OSBP2: variants seen among roughly 807,000 people sequenced by gnomAD.
OSBP2 encodes oxysterol-binding protein 2.
OSBP2 carries 66 observed loss-of-function variants against 96.0 expected under a neutral mutation model. The observed-to-expected ratio is 0.69, with a 90% confidence interval of 0.56 to 0.84. The LOEUF (loss-of-function observed/expected upper bound fraction) is 0.84. Among genes scored for constraint, OSBP2 ranks in the 40% least tolerant of loss-of-function variants. The probability of loss-of-function intolerance (pLI) is 0.00; values close to 1 mark genes in which losing one functional copy is unlikely to be tolerated. For synonymous variants in OSBP2, 525 were observed against 520.9 expected (o/e 1.01, Z -0.11); for missense variants, 1,038 against 1,222.7 (o/e 0.85, Z 2.25).
rs555647214 is a variant in OSBP2 at position 30,749,504 on chromosome 22, T to A, written c.853+8135T>A. On this transcript the variant is annotated intron_variant, in intron 2 of 13. Transcript: ENST00000332585. ...ACTGTCACCACTGGAACAAATGAACTTGTGACATTTGGCCGGAGAAAGGAA... is the reference window on the plus strand; with the variant it reads ...ACTGTCACCACTGGAACAAATGAACATGTGACATTTGGCCGGAGAAAGGAA... Among the ~76,000 whole-genome samples the A allele has an allele frequency of 2.0e-4, 31 of 152,272 alleles. 2 individuals are homozygous for A. In the South Asian group the frequency reaches 6.4e-3, roughly 32 times the overall value.
At chr22:30,730,774 C>CTATA (rs1206537838) in intron 1 of OSBP2, among the ~76,000 whole-genome samples, 185 of 13,784 alleles carry the variant, frequency 0.013, 10 homozygotes, top group Middle Eastern at 0.091. Context: ...CTCTCTCTCT[C>CTATA]TATATATATA....
chr22:30,757,702 G>A (rs1404614572), intron 2 of OSBP2, among the ~76,000 whole-genome samples: 2 of 152,098 alleles, frequency 1.3e-5, no homozygotes, highest in Non-Finnish European at 2.9e-5. Context: ...ACAGACATGA[G>A]CCACTGCACC....
At chr22:30,735,410 C>CTTTTTTTTTTTTTTTTTTTTTTTTT (rs774749546) in intron 1 of OSBP2, among the ~76,000 whole-genome samples, 2 of 100,598 alleles carry the variant, frequency 2.0e-5, no homozygotes, top group African/African-American at 4.1e-5. Context: ...TCTTCTCTCT[C>CTTTTTTTTTTTTTTTTTTTTTTTTT]TTTTTTTTTT....
chr22:30,832,923 A>T (rs1569142727), intron 2 of OSBP2, among the ~76,000 whole-genome samples: 1 of 152,194 alleles, frequency 6.6e-6, no homozygotes. Context: ...CATAGAGTTT[A>T]AAGTTTTTAA....
At chr22:30,830,514 G>A (rs188813131) in intron 2 of OSBP2, among the ~76,000 whole-genome samples, 7 of 152,310 alleles carry the variant, frequency 4.6e-5, no homozygotes, top group Non-Finnish European at 7.3e-5. Flanking sequence ...CCTCCACCGC[G>A]GATATTTTTA....
chr22:30,808,421 C>A (rs1312882851), intron 2 of OSBP2, among the ~76,000 whole-genome samples: 2 of 152,130 alleles, frequency 1.3e-5, no homozygotes, highest in Non-Finnish European at 2.9e-5. Context: ...GTGGGAGGAA[C>A]ACTTGAGCTC....
intron 1 of OSBP2, among the ~76,000 whole-genome samples, chr22:30,714,331 T>C (rs775135624): frequency 6.6e-6 from 1 of 152,204 alleles, no homozygotes; most frequent in African/African-American, 2.4e-5. Context: ...GCGGATTCCA[T>C]ATCTTGGCTA....
At chr22:30,804,577 C>T (rs894482842) in intron 2 of OSBP2, among the ~76,000 whole-genome samples, 2 of 152,178 alleles carry the variant, frequency 1.3e-5, no homozygotes, top group African/African-American at 4.8e-5. Context: ...GTTAGCATTA[C>T]TTGCATAAAG....
intron 2 of OSBP2, among the ~76,000 whole-genome samples, chr22:30,760,471 GGAGTGCAAGAT>G (rs1310169923): frequency 1.3e-5 from 2 of 152,198 alleles, no homozygotes; most frequent in Non-Finnish European, 2.9e-5. Flanking sequence ...TTTCATGCTA[GGAGTGCAAGAT>G]GAGTGCAAGA....
intron 2 of OSBP2, among the ~76,000 whole-genome samples, chr22:30,783,664 C>G (rs2090549902): frequency 6.6e-6 from 1 of 152,098 alleles, no homozygotes; most frequent in Non-Finnish European, 1.5e-5. Flanking sequence ...AACTGCAATA[C>G]CGATAATACT....
rs190175376 is a variant in OSBP2, at chr22:30,904,519, T to C, written c.2376-1318T>C. Among the ~76,000 whole-genome samples the C allele has an allele frequency of 4.3e-3, 651 of 152,302 alleles. 1 individual carries two copies. The highest frequency in any genetic ancestry group is 7.7e-3 in the Non-Finnish European group (523 of 68,020). Reference sequence around the variant, plus strand: ...ATTCCAAACACAACACATTCAGCTATATGACAGAAAGTAAATCTATGGATA... The same window carrying C: ...ATTCCAAACACAACACATTCAGCTACATGACAGAAAGTAAATCTATGGATA... On this transcript the variant is annotated intron_variant, in intron 12 of 13. Transcript: ENST00000332585.
At chr22:30,744,754 C>G (rs1459526088) in intron 2 of OSBP2, among the ~76,000 whole-genome samples, 1 of 151,948 alleles carries the variant, frequency 6.6e-6, no homozygotes, top group East Asian at 1.9e-4. Context: ...GAGTGAGACT[C>G]TGTCTCAAAA....
intron 2 of OSBP2, among the ~76,000 whole-genome samples, chr22:30,813,225 G>T (rs897663778): frequency 4.3e-5 from 6 of 141,066 alleles, no homozygotes; most frequent in African/African-American, 1.6e-4. Context: ...TGTTGCCCAG[G>T]CTGGAGTCCA....
intron 1 of OSBP2, among the ~76,000 whole-genome samples, chr22:30,706,501 A>G (rs2089255743): frequency 6.6e-6 from 1 of 152,290 alleles, no homozygotes; most frequent in South Asian, 2.1e-4. Context: ...TGAAACCAAG[A>G]GGAGGGCAGA....
At chr22:30,891,397 C>A (rs1298061979) in intron 8 of OSBP2, among the ~76,000 whole-genome samples, 2 of 152,184 alleles carry the variant, frequency 1.3e-5, no homozygotes, top group Admixed American at 6.5e-5. Context: ...CCTGTCCCCA[C>A]CACCCCTTCC....
intron 1 of OSBP2, among the ~76,000 whole-genome samples, chr22:30,725,436 G>A (rs1349524957): frequency 2.0e-5 from 3 of 151,466 alleles, no homozygotes; most frequent in South Asian, 2.1e-4. Flanking sequence ...ACTTGGACCC[G>A]GGAGGCAGAG....
intron 1 of OSBP2, among the ~76,000 whole-genome samples, chr22:30,725,625 T>C (rs2089636427): frequency 6.6e-6 from 1 of 152,094 alleles, no homozygotes; most frequent in Admixed American, 6.6e-5. Context: ...GGCAAGTGAT[T>C]TGTCCTTTCC....
intron 4 of OSBP2, 120 bp downstream of exon 4, chr22:30,887,738 C>A: frequency 1.2e-6 from 1 of 820,718 alleles, no homozygotes; most frequent in Non-Finnish European, 1.9e-6. Flanking sequence ...CTGGCCTTGG[C>A]CAACTCTTGA....
intron 1 of OSBP2, among the ~76,000 whole-genome samples, chr22:30,714,502 C>T (rs569183151): frequency 6.6e-6 from 1 of 151,986 alleles, no homozygotes; most frequent in Non-Finnish European, 1.5e-5. Flanking sequence ...GTGTATTTCA[C>T]GTTGCTGTGA....
Sources: allele counts gnomAD v4.1 joint callset (sites outside exome capture counted in the v4.1 genomes callset), GRCh38; gene constraint gnomAD v4.1.1; transcripts MANE v1.5; gene names NCBI Gene and HGNC (gene_info 2026-07-23, HGNC 2026-07-21).